The following ZNF221 variants were observed in gnomAD, a reference collection of about 807,000 sequenced individuals.
The protein encoded by ZNF221 is zinc finger protein 221.
In ZNF221, 10 loss-of-function variants were observed where a neutral mutation model predicts 12.6. The ratio of observed to expected loss-of-function variants is 0.79; its 90% CI spans 0.49 to 1.34. The LOEUF is 1.34. ZNF221 is among the 40% of genes most tolerant of loss of function. ZNF221 has a pLI of 0.00. For missense variants in ZNF221, 661 were observed against 721.4 expected (o/e 0.92, Z 0.96); for synonymous variants, 232 against 244.0 (o/e 0.95, Z 0.46).
chr19:43,954,082 T>C (rs1276846813), intron 1 of ZNF221, among the ~76,000 whole-genome samples: 1 of 16,582 alleles, frequency 6.0e-5, no homozygotes, highest in Non-Finnish European at 1.4e-4. Context: ...AGACTCCGTC[T>C]CAAAAAAAAA....
At chr19:43,971,972 C>T (rs923446281), downstream of ZNF221, among the ~76,000 whole-genome samples, 1 of 152,196 alleles carries the variant, frequency 6.6e-6, no homozygotes, top group Non-Finnish European at 1.5e-5. Flanking sequence ...CTCATCATCA[C>T]ATGGCTCTTA....
chr19:43,977,225 G>C, the ZNF221 span: 94 of 152,180 alleles, frequency 6.2e-4, no homozygotes, highest in African/African-American at 2.2e-3. Flanking sequence ...GTATTTGCTG[G>C]AATTTTTCAT....
At chr19:43,952,005 C>T (rs1164287654) in intron 1 of ZNF221, among the ~76,000 whole-genome samples, 1 of 151,264 alleles carries the variant, frequency 6.6e-6, no homozygotes, top group African/African-American at 2.4e-5. Flanking sequence ...TCCCGAGTAG[C>T]TGGGACTACA....
intron 1 of ZNF221, among the ~76,000 whole-genome samples, chr19:43,957,722 A>T (rs1327439746): frequency 6.6e-6 from 1 of 152,176 alleles, no homozygotes. Flanking sequence ...GTTTTTATTA[A>T]CATCTTTAAT....
chr19:43,974,097 A>G, the ZNF221 span, among the ~76,000 whole-genome samples: 1 of 152,190 alleles, frequency 6.6e-6, no homozygotes, highest in South Asian at 2.1e-4. Flanking sequence ...AAATAAGACC[A>G]CACACCTACA....
chr19:43,972,440 C>T (rs1191247924), downstream of ZNF221, among the ~76,000 whole-genome samples: 1 of 151,712 alleles, frequency 6.6e-6, no homozygotes, highest in Non-Finnish European at 1.5e-5. Context: ...GACAGAGACA[C>T]AAAAAATCTT....
chr19:43,952,810 T>C (rs780853883), intron 1 of ZNF221, among the ~76,000 whole-genome samples: 3 of 152,014 alleles, frequency 2.0e-5, no homozygotes, highest in African/African-American at 7.3e-5. Context: ...TTGTCAACTA[T>C]TTTTTTTCAC....
At chr19:43,958,270 A>G (rs1974788680) in intron 1 of ZNF221, among the ~76,000 whole-genome samples, 1 of 152,244 alleles carries the variant, frequency 6.6e-6, no homozygotes, top group Non-Finnish European at 1.5e-5. Flanking sequence ...TACAAAAGTC[A>G]CGTGGGGTAT....
At chr19:43,953,156 G>T (rs1179220354) in intron 1 of ZNF221, among the ~76,000 whole-genome samples, 1 of 151,736 alleles carries the variant, frequency 6.6e-6, no homozygotes, top group Non-Finnish European at 1.5e-5. Flanking sequence ...TCACCGTGTT[G>T]GCCAGGCTAG....
chr19:43,979,847 G>GAGAA, the ZNF221 span, among the ~76,000 whole-genome samples: 2 of 152,092 alleles, frequency 1.3e-5, no homozygotes, highest in African/African-American at 4.8e-5. Flanking sequence ...TCTCAAATTG[G>GAGAA]ATTTCTCATC....
chr19:43,966,822 T>C lies in ZNF221; in HGVS notation c.1320T>C (p.His440=). The change falls in exon 5 of 5, where the codon CAT becomes CAC. Residue 440 remains histidine (H), a synonymous_variant. Transcript: ENST00000587682. ...ATACAAATTCACGACGATCTTCCCA[T>C]CAGAGATCCCACAATGGAGAAAAGC... ...GFYTNSRRSS[H]QRSHNGEKPY... 1 of 1,614,192 alleles carries C rather than the reference T, an allele frequency of 6.2e-7. No individual in the cohort carries two copies.
At chr19:43,961,704 C>A (rs1334498794) in intron 1 of ZNF221, 1 of 152,148 alleles carries the variant, frequency 6.6e-6, no homozygotes, top group Admixed American at 6.5e-5. Context: ...TTTCTGTAGT[C>A]TTCTTTAATC....
Position 43,955,123 on chromosome 19 carries a change from T to A in ZNF221, c.-3+3723T>A, listed in dbSNP as rs192746145. On this transcript the variant is annotated intron_variant, in intron 1 of 4. Transcript: ENST00000587682. ...CTTGGTCTTCTTTCTTCTTTTTTTT[T>A]AAAAACACTCTGAACATTTGGATCT... 3.7e-3 allele frequency among the ~76,000 whole-genome samples: 563 copies of A among 151,886 alleles called. 3 individuals are homozygous for A. The highest frequency in any genetic ancestry group is 0.013 in the African/African-American group (521 of 41,384).
downstream of ZNF221, among the ~76,000 whole-genome samples, chr19:43,971,967 C>T (rs1372364189): frequency 1.3e-5 from 2 of 152,170 alleles, no homozygotes; most frequent in African/African-American, 2.4e-5. Context: ...TTTTTCTCAT[C>T]ATCACATGGC....
At chr19:43,960,233 G>A (rs1974821579) in intron 1 of ZNF221, 1 of 152,172 alleles carries the variant, frequency 6.6e-6, no homozygotes, top group Non-Finnish European at 1.5e-5. Context: ...AGGGTACCTG[G>A]CAAAAGAAAT....
At chr19:43,974,379 G>A in the ZNF221 span, among the ~76,000 whole-genome samples, 1 of 152,076 alleles carries the variant, frequency 6.6e-6, no homozygotes. Flanking sequence ...TGCAACAAAA[G>A]CAAAATTTGA....
chr19:43,962,212 C>T (rs1398915602), intron 1 of ZNF221, among the ~76,000 whole-genome samples: 7 of 152,054 alleles, frequency 4.6e-5, no homozygotes, highest in Admixed American at 6.6e-5. Flanking sequence ...CCATTTCAGT[C>T]GTACGATTTA....
At chr19:43,972,731 C>T in the ZNF221 span, among the ~76,000 whole-genome samples, 13 of 109,104 alleles carry the variant, frequency 1.2e-4, no homozygotes, top group Admixed American at 4.4e-4. Flanking sequence ...AGACCAATAA[C>T]GACTTCTGAA....
chr19:43,951,945 C>T (rs1244826906), intron 1 of ZNF221, among the ~76,000 whole-genome samples: 1 of 147,092 alleles, frequency 6.8e-6, no homozygotes, highest in African/African-American at 2.5e-5. Flanking sequence ...GCGATCTCGG[C>T]TCACTGCAGG....
Sources: allele counts gnomAD v4.1 joint callset (sites outside exome capture counted in the v4.1 genomes callset), GRCh38; gene constraint gnomAD v4.1.1; transcripts MANE v1.5; gene names NCBI Gene and HGNC (gene_info 2026-07-23, HGNC 2026-07-21).